The following TRPM3 variants were observed in gnomAD, a reference collection of about 807,000 sequenced individuals.
TRPM3 encodes long transient receptor potential channel 3.
In TRPM3, 77 loss-of-function variants were observed where a neutral mutation model predicts 181.2. That is an observed-to-expected ratio of 0.42 (90% CI 0.35 to 0.51). The LOEUF (loss-of-function observed/expected upper bound fraction) is 0.51, where lower values mean the gene tolerates loss of function less well. Among genes scored for constraint, TRPM3 ranks in the 20% least tolerant of loss-of-function variants. TRPM3 has a pLI of 0.01. For synonymous variants in TRPM3, 745 were observed against 796.4 expected (o/e 0.94, Z 1.09); for missense variants, 1,759 against 2,196.7 (o/e 0.80, Z 3.98).
rs764170805 is a variant in TRPM3, at chr9:70,598,387, C to T, written c.3048+32G>A. 3.7e-6 allele frequency: 6 copies of T among 1,607,092 alleles called. No individual in the cohort carries two copies. The Admixed American group carries it at 5.0e-5, about 13-fold the overall frequency. ...ATTATCACCATTCCTCCTCTGAAAA[C>T]TTATAACATGGAATCAGAAGACCCT... On this transcript the variant is annotated intron_variant, in intron 21 of 25. Transcript: ENST00000677713.
At chr9:71,095,111 G>A (rs970571910) in intron 1 of TRPM3, among the ~76,000 whole-genome samples, 6 of 152,106 alleles carry the variant, frequency 3.9e-5, no homozygotes, top group Non-Finnish European at 8.8e-5. Flanking sequence ...AAATGCCTTC[G>A]TTTTTAACTG....
chr9:70,923,764 G>A (rs1021023741), intron 1 of TRPM3, among the ~76,000 whole-genome samples: 4 of 149,186 alleles, frequency 2.7e-5, no homozygotes, highest in African/African-American at 7.4e-5. Flanking sequence ...GCTTGGCCGA[G>A]TAATACTGGC....
intron 1 of TRPM3, among the ~76,000 whole-genome samples, chr9:71,026,886 G>T (rs2056603446): frequency 6.6e-6 from 1 of 152,206 alleles, no homozygotes; most frequent in Admixed American, 6.5e-5. Flanking sequence ...GGCCCCCCAA[G>T]TTGTACTGCC....
intron 12 of TRPM3, among the ~76,000 whole-genome samples, chr9:70,631,763 T>A (rs2065898074): frequency 6.6e-6 from 1 of 152,220 alleles, no homozygotes; most frequent in African/African-American, 2.4e-5. Context: ...TCATTGCTCC[T>A]AGATTGTTCC....
At chr9:70,742,034 T>A (rs2074218807) in intron 8 of TRPM3, among the ~76,000 whole-genome samples, 1 of 152,162 alleles carries the variant, frequency 6.6e-6, no homozygotes. Context: ...ACTTTCCTTT[T>A]GTTTTTTAAA....
rs992240818 is a variant in TRPM3 at position 71,343,595 on chromosome 9, A to C, written c.183+103058T>G. On this transcript the variant is annotated intron_variant, in intron 1 of 24. Coordinates refer to the TRPM3 transcript ENST00000357533. ...GTGAGATTGGCTTGAAGTTATCTAC[A>C]TAAAATAATTACAGAAAGTAATTTC... Among the ~76,000 whole-genome samples the C allele has an allele frequency of 2.0e-5, 3 of 152,208 alleles. 1 individual carries two copies. Among genetic ancestry groups the C allele is most frequent in the Non-Finnish European group, 4.4e-5 (3 of 68,034 alleles).
At chr9:71,314,509 G>A (rs2132423115) in intron 1 of TRPM3, among the ~76,000 whole-genome samples, 1 of 152,200 alleles carries the variant, frequency 6.6e-6, no homozygotes. Context: ...AAAAGCATAT[G>A]GAAAGAAGCA....
In TRPM3 at chr9:70,983,794, T is replaced by G. The variant is rs141914609; in HGVS notation, c.178-119283A>C. ...TTGAAAATGGGGGAAAAAATAGAGA[T>G]GCTGCCAGTTATTAATCAAGTCCTG... is the stretch of plus-strand genomic sequence containing the variant. On this transcript the variant is annotated intron_variant, in intron 1 of 25. Coordinates refer to ENST00000677713, the MANE Select transcript of TRPM3 (RefSeq NM_001366145.2). Among the ~76,000 whole-genome samples, 92 of 152,290 alleles carry G rather than the reference T, an allele frequency of 6.0e-4. No homozygotes were observed. The East Asian group carries it at 0.017, about 28-fold the overall frequency.
In TRPM3 at chr9:70,913,163, C is replaced by T. The variant is rs1034055769; in HGVS notation, c.178-48652G>A. On this transcript the variant is annotated intron_variant, in intron 1 of 25. Coordinates refer to ENST00000677713, the MANE Select transcript of TRPM3 (RefSeq NM_001366145.2). ...AGATACAACATTTTGTTTTCTTTTC[C>T]AAATTTGTGATGAACTGTCTTCCAT... Among the ~76,000 whole-genome samples, 4 of 152,222 alleles carry T rather than the reference C, an allele frequency of 2.6e-5. No individual in the cohort carries two copies. In the East Asian group the frequency reaches 7.7e-4, roughly 29 times the overall value.
chr9:70,771,969 T>C (rs546288087), intron 7 of TRPM3, among the ~76,000 whole-genome samples: 1 of 152,314 alleles, frequency 6.6e-6, no homozygotes, highest in East Asian at 1.9e-4. Context: ...TTTTTGCCAG[T>C]GCCTAGAATA....
chr9:70,886,121 C>A (rs752749887), intron 1 of TRPM3, among the ~76,000 whole-genome samples: 7 of 152,078 alleles, frequency 4.6e-5, no homozygotes, highest in African/African-American at 7.2e-5. Context: ...ACATTAAGTC[C>A]TTAGGTAAAG....
rs150174713 is a variant in TRPM3, at chr9:70,789,369, C to T, written c.974-5090G>A. 3.9e-4 allele frequency among the ~76,000 whole-genome samples: 59 copies of T among 152,178 alleles called. No homozygotes were observed. The East Asian group carries it at 0.01, about 26-fold the overall frequency. ...TGAAGAGCCTTACAAATTTGTGTCT[C>T]GCTCAGCTAAACCTACTGGTCATTC... On this transcript the variant is annotated intron_variant, in intron 6 of 25. Transcript: ENST00000677713.
intron 1 of TRPM3, among the ~76,000 whole-genome samples, chr9:70,876,617 C>CT (rs960931752): frequency 5.9e-5 from 9 of 151,828 alleles, no homozygotes; most frequent in Non-Finnish European, 1.0e-4. Flanking sequence ...GGAAACATGA[C>CT]TTTTTTTCCT....
intron 1 of TRPM3, among the ~76,000 whole-genome samples, chr9:71,420,731 G>A (rs367637232): frequency 0.11 from 2,737 of 25,414 alleles, 62 homozygotes; most frequent in South Asian, 0.19. Context: ...AAGAGAGAGA[G>A]AGAGAAAGAG....
At chr9:71,247,222 C>T (rs1367822605) in intron 1 of TRPM3, among the ~76,000 whole-genome samples, 2 of 151,760 alleles carry the variant, frequency 1.3e-5, no homozygotes, top group African/African-American at 4.8e-5. Context: ...GGCGTGGTGG[C>T]ACATGCTTGT....
intron 8 of TRPM3, among the ~76,000 whole-genome samples, chr9:70,747,314 G>A (rs1177383281): frequency 6.6e-6 from 1 of 152,110 alleles, no homozygotes; most frequent in African/African-American, 2.4e-5. Flanking sequence ...GTGTACACAT[G>A]CAAATGCAGA....
chr9:71,403,944 TTC>T (rs1364327844), intron 1 of TRPM3, among the ~76,000 whole-genome samples: 1 of 152,166 alleles, frequency 6.6e-6, no homozygotes, highest in East Asian at 1.9e-4. Flanking sequence ...TTAAGAATAT[TTC>T]TCTTTCCAAA....
intron 1 of TRPM3, among the ~76,000 whole-genome samples, chr9:70,909,539 G>A (rs1376167250): frequency 6.6e-6 from 1 of 152,142 alleles, no homozygotes; most frequent in African/African-American, 2.4e-5. Context: ...CAACAGCATT[G>A]GAAGGTTGGG....
chr9:70,683,415 TTCTC>T (rs961050236), intron 8 of TRPM3, among the ~76,000 whole-genome samples: 1 of 143,262 alleles, frequency 7.0e-6, no homozygotes, highest in Non-Finnish European at 1.5e-5. Flanking sequence ...TTTTCTCTCT[TTCTC>T]TCTCTCTCCT....
Sources: allele counts gnomAD v4.1 joint callset (sites outside exome capture counted in the v4.1 genomes callset), GRCh38; gene constraint gnomAD v4.1.1; transcripts MANE v1.5; gene names NCBI Gene and HGNC (gene_info 2026-07-23, HGNC 2026-07-21).